MYOM2: variants seen among roughly 807,000 people sequenced by gnomAD.
MYOM2 encodes myomesin 2, also known as myomesin-2.
In MYOM2, 254 loss-of-function variants were observed where a neutral mutation model predicts 187.6. That is an observed-to-expected ratio of 1.35 (90% CI 1.22 to 1.50). The LOEUF (loss-of-function observed/expected upper bound fraction) is 1.50, where lower values mean the gene tolerates loss of function less well. Ranked by LOEUF, MYOM2 falls within the 40% of genes most tolerant of loss-of-function variation. MYOM2 has a pLI of 0.00. For missense variants in MYOM2, 2,796 were observed against 1,924.0 expected (o/e 1.45, Z -8.48); for synonymous variants, 981 against 753.8 (o/e 1.30, Z -4.94).
intron 20 of MYOM2, among the ~76,000 whole-genome samples, chr8:2,101,580 A>G (rs926424773): frequency 1.3e-5 from 2 of 152,172 alleles, no homozygotes; most frequent in East Asian, 3.9e-4. Flanking sequence ...TTGAGGACGC[A>G]GAGCCCTCCT....
intron 13 of MYOM2, chr8:2,082,113 G>A (rs1376788613): frequency 6.6e-6 from 1 of 152,160 alleles, no homozygotes; most frequent in Admixed American, 6.5e-5. Context: ...CAGCCTCCCC[G>A]GCTTCAGTTC....
chr8:2,067,276 GAA>G (rs893500937), intron 6 of MYOM2, among the ~76,000 whole-genome samples: 13 of 152,204 alleles, frequency 8.5e-5, no homozygotes, highest in Non-Finnish European at 2.9e-5. Flanking sequence ...TAATGCATTT[GAA>G]AAGTGAGACT....
chr8:2,099,304 C>T (rs1341389222), intron 19 of MYOM2, among the ~76,000 whole-genome samples: 3 of 152,298 alleles, frequency 2.0e-5, no homozygotes, highest in East Asian at 3.9e-4. Context: ...ACCTATGACA[C>T]GGATTTGGCC....
rs1163277608 is a variant in MYOM2 at position 2,079,564 on chromosome 8, T to C, written c.1467T>C (p.Val489=). Residue 489 remains valine (V), a synonymous_variant, in exon 13 of 37, where the codon GTT becomes GTC. Coordinates refer to ENST00000262113, the MANE Select transcript of MYOM2 (RefSeq NM_003970.4). The part of the protein sequence containing the change: ...DPLDLRRLQA[V]HLEGEKEIAI... ...TGTCAACCTTTCTCTCCGCAGCCGT[T>C]CATTTGGAGGGAGAGAAGGAGATTG... The C allele has an allele frequency of 6.2e-7, 1 of 1,613,950 alleles. No homozygotes were observed. Among genetic ancestry groups the C allele is most frequent in the Non-Finnish European group, 8.5e-7 (1 of 1,180,014 alleles).
intron 31 of MYOM2, 103 bp downstream of exon 31, chr8:2,124,320 G>A (rs1282222654): frequency 8.3e-7 from 1 of 1,205,610 alleles, no homozygotes; most frequent in Non-Finnish European, 1.2e-6. Flanking sequence ...TGGAGCTGTG[G>A]TGCGTGTTCT....
chr8:2,071,941 T>C (rs1225945465), intron 8 of MYOM2, among the ~76,000 whole-genome samples: 1 of 151,990 alleles, frequency 6.6e-6, no homozygotes, highest in Non-Finnish European at 1.5e-5. Flanking sequence ...CATCCCACCC[T>C]CATCACCTCC....
chr8:2,129,224 G>C lies in MYOM2; in HGVS notation c.3792G>C (p.Trp1264Cys), dbSNP rs754874269. 13 of 1,606,578 alleles carry C rather than the reference G, an allele frequency of 8.1e-6. No homozygotes were observed. Among genetic ancestry groups the C allele is most frequent in the Non-Finnish European group, 7.7e-6 (9 of 1,173,466 alleles). The change falls in exon 32 of 37, where the codon TGG (tryptophan) becomes TGC (cysteine). Residue 1264 changes from tryptophan to cysteine, a missense_variant. Transcript: ENST00000262113. ...TTACAGACGAAATGAAAGTGAACTG[G>C]TGTCACAAGTAAGTATGACAGCAGC... ...KYFTDEMKVN[W>C]CHKDAKISSS...
chr8:2,142,293 G>C (rs898623101), intron 34 of MYOM2, 82 bp from the exon 35 acceptor site: 28 of 1,331,576 alleles, frequency 2.1e-5, no homozygotes, highest in Admixed American at 3.4e-5. Context: ...TCGCTAGTGA[G>C]CCTCTCAGCT....
At chr8:2,106,120 G>T in intron 21 of MYOM2, 122 bp from the exon 22 acceptor site, 1 of 983,678 alleles carries the variant, frequency 1.0e-6, no homozygotes, top group Admixed American at 2.4e-5. Flanking sequence ...TACACTTGGG[G>T]ATTACAATTT....
chr8:2,079,793 A>G (rs1819560043), intron 13 of MYOM2, among the ~76,000 whole-genome samples, 180 bp downstream of exon 13: 1 of 152,154 alleles, frequency 6.6e-6, no homozygotes, highest in Non-Finnish European at 1.5e-5. Flanking sequence ...AGAAAAAATC[A>G]AGCAAGACAG....
intron 3 of MYOM2, among the ~76,000 whole-genome samples, chr8:2,056,235 A>G (rs1343964108): frequency 6.6e-6 from 1 of 152,204 alleles, no homozygotes; most frequent in East Asian, 1.9e-4. Flanking sequence ...GAGACATGGC[A>G]TCTGAGATGG....
At chr8:2,076,465 T>G (rs1487295130) in intron 11 of MYOM2, 183 bp downstream of exon 11, 2 of 775,362 alleles carry the variant, frequency 2.6e-6, no homozygotes, top group Non-Finnish European at 3.9e-6. Context: ...CCAAGTAGGC[T>G]GAGCCCAGCA....
rs1235474246 is a variant in MYOM2 at position 2,069,428 on chromosome 8, T to C, written c.743-19T>C. 6.2e-7 allele frequency: 1 copy of C among 1,614,060 alleles called. No homozygotes were observed. The highest frequency in any genetic ancestry group is 2.2e-5 in the East Asian group (1 of 44,902). On this transcript the variant is annotated intron_variant, in intron 7 of 36. Coordinates refer to ENST00000262113, the MANE Select transcript of MYOM2 (RefSeq NM_003970.4). ...CCTCCTTTTCTCTTTTCTGCTGCAC[T>C]CACTTTGCTGTCTTGCAGGGTTCCG...
intron 6 of MYOM2, among the ~76,000 whole-genome samples, chr8:2,068,785 T>C (rs897367675): frequency 2.0e-5 from 3 of 152,140 alleles, no homozygotes; most frequent in Non-Finnish European, 4.4e-5. Context: ...GTTCAGGGCC[T>C]CCCTGAAGCA....
At chr8:2,105,601 G>C (rs1371368733) in intron 21 of MYOM2, among the ~76,000 whole-genome samples, 5 of 152,156 alleles carry the variant, frequency 3.3e-5, no homozygotes, top group Non-Finnish European at 7.3e-5. Flanking sequence ...GATCTTCAGG[G>C]CCTGGAGAGG....
At chr8:2,052,540 A>G (rs996668027) in intron 3 of MYOM2, among the ~76,000 whole-genome samples, 5 of 152,166 alleles carry the variant, frequency 3.3e-5, no homozygotes, top group African/African-American at 1.2e-4. Context: ...CCAGCTTCCC[A>G]CCATTTTGCA....
chr8:2,124,594 T>C (rs1797573215), intron 31 of MYOM2, among the ~76,000 whole-genome samples: 1 of 152,234 alleles, frequency 6.6e-6, no homozygotes, highest in East Asian at 1.9e-4. Context: ...CATTAAACCA[T>C]ATGTTATCTT....
Position 2,079,628 on chromosome 8 carries a change from A to T in MYOM2, c.1516+15A>T. 1 of 1,613,320 alleles carries T rather than the reference A, an allele frequency of 6.2e-7. No homozygotes were observed. Among genetic ancestry groups the T allele is most frequent in the Non-Finnish European group, 8.5e-7 (1 of 1,179,256 alleles). ...TGACCTTGAAGGTAAGTAGCACCTC[A>T]TCACCCCAGCTGCTCAGCCCCTGGG... On this transcript the variant is annotated intron_variant, in intron 13 of 36. Coordinates refer to ENST00000262113, the MANE Select transcript of MYOM2 (RefSeq NM_003970.4).
rs1798261423 is a variant in MYOM2, at chr8:2,141,167, C to T, written c.3991C>T (p.Gln1331Ter). ...TTTTGATGAAGCATTTGCAGAATTCCAGCAATTCAAGTAAGATTTGTGTAT... is the reference window on the plus strand; with the variant it reads ...TTTTGATGAAGCATTTGCAGAATTCTAGCAATTCAAGTAAGATTTGTGTAT... ...QAFDEAFAEF[Q>*]QFKAAAFAEK... Residue 1331 changes from glutamine to a stop codon, truncating the protein, a stop_gained, in exon 34 of 37, where the codon CAG becomes TAG. Transcript: ENST00000262113. LOFTEE classifies it high-confidence loss of function. 1.2e-6 allele frequency: 2 copies of T among 1,611,770 alleles called. No homozygotes were observed. Among genetic ancestry groups the T allele is most frequent in the Admixed American group, 1.7e-5 (1 of 59,920 alleles).
Sources: gnomAD v4.1 joint callset for allele counts (sites outside exome capture counted in the v4.1 genomes callset) on GRCh38, gnomAD v4.1.1 for gene constraint, MANE v1.5 for transcripts, NCBI Gene and HGNC (gene_info 2026-07-23, HGNC 2026-07-21) for gene names.